The following CFAP74 variants were observed in gnomAD, a reference collection of about 807,000 sequenced individuals.
CFAP74 encodes cilia and flagella associated protein 74.
CFAP74 carries 124 observed loss-of-function variants against 188.9 expected under a neutral mutation model. The observed-to-expected ratio is 0.66, with a 90% CI of 0.57 to 0.76. The LOEUF (loss-of-function observed/expected upper bound fraction) is 0.76. Ranked by LOEUF, CFAP74 falls within the 30% of genes least tolerant of loss-of-function variation. The pLI, the probability that CFAP74 is intolerant of heterozygous loss-of-function variation, is 0.00. For synonymous variants in CFAP74, 956 were observed against 916.7 expected, an observed-to-expected ratio of 1.04 and a Z score of -0.77; for missense variants, 2,198 against 2,165.2, an observed-to-expected ratio of 1.02 and a Z score of -0.30.
rs377168472 is a variant in CFAP74 at position 1,955,711 on chromosome 1, T to A, written c.2156A>T (p.Gln719Leu). The A allele has an allele frequency of 6.8e-6, 11 of 1,610,320 alleles. No homozygotes were observed. Among genetic ancestry groups the A allele is most frequent in the Non-Finnish European group, 9.3e-6 (11 of 1,177,594 alleles). Residue 719 changes from glutamine to leucine, a missense_variant, in exon 18 of 39, where the codon CAG (glutamine) becomes CTG (leucine). Coordinates refer to ENST00000682832, the MANE Select transcript of CFAP74 (RefSeq NM_001304360.2). ...RKELEKLDKE[Q>L]EEEQPAEPER... ...CTCACCTGCGGGCTGCTCCTCCTCC[T>A]GCTCCTTGTCCAGCTTCTCCAGCTC...
intron 1 of CFAP74, among the ~76,000 whole-genome samples, chr1:1,991,413 T>C (rs1570989632): frequency 6.6e-6 from 1 of 151,298 alleles, no homozygotes; most frequent in East Asian, 1.9e-4. Context: ...CACTTTACAC[T>C]CCCACCAGCA....
At chr1:1,984,093 C>CAGGTTTA (rs1657085407) in intron 6 of CFAP74, 1 of 150,220 alleles carries the variant, frequency 6.7e-6, no homozygotes, top group African/African-American at 2.5e-5. Flanking sequence ...CTCTGGGCTC[C>CAGGTTTA]AGCGATTCTC....
chr1:1,960,149 C>T (rs1210916721), intron 14 of CFAP74, 119 bp from the exon 15 acceptor site: 1 of 824,820 alleles, frequency 1.2e-6, no homozygotes, highest in Non-Finnish European at 1.9e-6. Context: ...CGGGCCTGGC[C>T]CCCTGCCCAG....
intron 14 of CFAP74, 101 bp downstream of exon 14, chr1:1,963,648 G>T (rs1655254937): frequency 2.8e-6 from 2 of 708,672 alleles, no homozygotes; most frequent in Non-Finnish European, 2.4e-6. Context: ...GAGGGCTTAT[G>T]CCCATATAGA....
intron 2 of CFAP74, among the ~76,000 whole-genome samples, chr1:1,990,170 T>TA (rs1415405747): frequency 1.3e-5 from 2 of 152,194 alleles, no homozygotes; most frequent in Non-Finnish European, 2.9e-5. Context: ...ACAGGCAACA[T>TA]AAACAAATGT....
intron 2 of CFAP74, among the ~76,000 whole-genome samples, chr1:1,990,061 C>T (rs1657480033): frequency 1.3e-5 from 2 of 152,224 alleles, no homozygotes; most frequent in Admixed American, 1.3e-4. Context: ...AAACCCAACT[C>T]TTAACGTTAC....
chr1:1,956,295 C>T (rs1654620245), intron 17 of CFAP74, among the ~76,000 whole-genome samples: 1 of 152,230 alleles, frequency 6.6e-6, no homozygotes, highest in Admixed American at 6.5e-5. Context: ...CTCCCACCCC[C>T]ACACCTGGGG....
rs533804414 is a variant in CFAP74, at chr1:1,970,799, G to A, written c.906C>T (p.Phe302=). ...ISANRDTLRK[F]QAWDRAKAEL... ...CTGCCTTGGCACGGTCCCATGCTTG[G>A]AACTTCCGCAGTGTGTCCTTGGAAA... The change falls in exon 10 of 39, where the codon TTC becomes TTT. Residue 302 remains phenylalanine, a synonymous_variant. Transcript: ENST00000682832. The A allele has an allele frequency of 6.2e-7, 1 of 1,614,126 alleles. No homozygotes were observed. The highest frequency in any genetic ancestry group is 2.2e-5 in the East Asian group (1 of 44,890).
At chr1:1,937,141 GAA>G (rs1338902397) in intron 25 of CFAP74, among the ~76,000 whole-genome samples, 1 of 152,236 alleles carries the variant, frequency 6.6e-6, no homozygotes, top group Non-Finnish European at 1.5e-5. Flanking sequence ...TACAGGGTTG[GAA>G]ACTGCAACAT....
intron 19 of CFAP74, 100 bp downstream of exon 19, chr1:1,946,890 C>CT: frequency 1.1e-6 from 1 of 932,716 alleles, no homozygotes; most frequent in Admixed American, 2.0e-5. Flanking sequence ...CAAGGGCCAC[C>CT]TAGCAGTGAG....
rs186810019 is a variant in CFAP74, at chr1:1,942,851, G to A, written c.2487-695C>T. On this transcript the variant is annotated intron_variant, in intron 21 of 38. Transcript: ENST00000682832. The surrounding 1 kb of genome is among the most constrained non-coding windows in gnomAD (Gnocchi z 4.3). The stretch of plus-strand genomic sequence containing the variant: ...CTGCCCCGGGCAATCCACGAGGGGG[G>A]ACCCAGAGGGTGTGGCAGTGAGAAA... Among the ~76,000 whole-genome samples, 640 of 152,274 alleles carry A rather than the reference G, an allele frequency of 4.2e-3. 4 individuals are homozygous for A. Among genetic ancestry groups the A allele is most frequent in the Non-Finnish European group, 6.2e-3 (423 of 68,014 alleles).
intron 6 of CFAP74, among the ~76,000 whole-genome samples, chr1:1,977,308 G>A (rs1406782561): frequency 6.6e-6 from 1 of 152,176 alleles, no homozygotes; most frequent in Non-Finnish European, 1.5e-5. Context: ...AGAATGGGAG[G>A]GAGGACATTT....
intron 2 of CFAP74, among the ~76,000 whole-genome samples, chr1:1,990,151 T>C (rs1657485110): frequency 6.6e-6 from 1 of 152,202 alleles, no homozygotes; most frequent in South Asian, 2.1e-4. Flanking sequence ...ACAGTAAGTA[T>C]GGAAAGATAC....
Position 1,973,199 on chromosome 1 carries a change from G to T in CFAP74, c.675-152C>A, listed in dbSNP as rs1268599669. 8.1e-6 allele frequency: 5 copies of T among 613,670 alleles called. No individual in the cohort carries two copies. The African/African-American group carries it at 9.3e-5, about 11-fold the overall frequency. 38.0% of individuals were successfully genotyped at this position (613,670 alleles called of 1,614,324 possible). A position where few individuals can be genotyped will look rare whatever the true frequency, so the allele number is the denominator to read the frequency against. On this transcript the variant is annotated intron_variant, in intron 7 of 38. Transcript: ENST00000682832. This position sits in a 1 kb window ranked among gnomAD's most constrained non-coding sequence, Gnocchi z 6.2. ...CAGCCTCCCTTGGGGAGGAGCGAGG[G>T]TCCCTGGAGAGCTGATGCCGTGGGC...
intron 25 of CFAP74, among the ~76,000 whole-genome samples, chr1:1,937,986 G>A (rs1397923903): frequency 3.3e-5 from 5 of 151,822 alleles, no homozygotes; most frequent in Non-Finnish European, 2.9e-5. Context: ...ACGCATGGTC[G>A]CACACTCAAG....
intron 20 of CFAP74, 29 bp from the exon 21 acceptor site, chr1:1,944,481 A>C: frequency 2.0e-6 from 3 of 1,533,358 alleles, no homozygotes; most frequent in Non-Finnish European, 2.6e-6. Flanking sequence ...GCTCAGCAAC[A>C]GGAGTTCCTT....
intron 11 of CFAP74, among the ~76,000 whole-genome samples, chr1:1,966,860 G>A (rs1655510042): frequency 7.0e-6 from 1 of 142,680 alleles, no homozygotes; most frequent in African/African-American, 2.7e-5. Flanking sequence ...TTTTTGAGAC[G>A]CAGTCTTGCA....
chr1:1,955,852 T>C lies in CFAP74; in HGVS notation c.2017-2A>G, dbSNP rs1168486060. ...ATCTTCGTAGGTCAGGAGACTGCTC[T>C]AGAGAGGAGAATCAACATCCTGGCT... On this transcript the variant is annotated splice_acceptor_variant, in intron 17 of 38. Coordinates refer to ENST00000682832, the MANE Select transcript of CFAP74 (RefSeq NM_001304360.2). LOFTEE classifies it high-confidence loss of function. The C allele has an allele frequency of 1.2e-6, 2 of 1,606,034 alleles. No homozygotes were observed. The highest frequency in any genetic ancestry group is 1.3e-5 in the African/African-American group (1 of 74,718).
chr1:1,925,904 C>A lies in CFAP74; in HGVS notation c.3983G>T (p.Gly1328Val). Residue 1328 changes from glycine (G) to valine (V), a missense_variant, in exon 33 of 39, where the codon GGC becomes GTC. Coordinates refer to ENST00000682832, the MANE Select transcript of CFAP74 (RefSeq NM_001304360.2). ...GCCCATGAGGGTGAGGGTGAGCGTG[C>A]CTCTCTTGGTGATGATGTCCAGTGT... ...QETLDIITKR[G>V]TLTLTLMGTG... 1 of 1,611,970 alleles carries A rather than the reference C, an allele frequency of 6.2e-7. No individual in the cohort carries two copies. Among genetic ancestry groups the A allele is most frequent in the Non-Finnish European group, 8.5e-7 (1 of 1,179,576 alleles).
Sources: allele counts gnomAD v4.1 joint callset (sites outside exome capture counted in the v4.1 genomes callset), GRCh38; gene constraint gnomAD v4.1.1; non-coding constraint Gnocchi (gnomAD v3.1); transcripts MANE v1.5; gene names NCBI Gene and HGNC (gene_info 2026-07-23, HGNC 2026-07-21).